SNX31: variants seen among roughly 807,000 people sequenced by gnomAD.
The protein encoded by SNX31 is sorting nexin 31.
SNX31 carries 58 observed loss-of-function variants against 65.4 expected under a neutral mutation model. That is an observed-to-expected ratio of 0.89 (90% CI 0.72 to 1.10). The LOEUF (loss-of-function observed/expected upper bound fraction) is 1.10, where lower values mean the gene tolerates loss of function less well. Ranked by LOEUF, SNX31 falls within the 50% of genes least tolerant of loss-of-function variation. SNX31 has a pLI of 0.00. For missense variants in SNX31, 523 were observed against 529.7 expected, an observed-to-expected ratio of 0.99 and a Z score of 0.12; for synonymous variants, 181 against 190.1, an observed-to-expected ratio of 0.95 and a Z score of 0.39.
At chr8:100,623,499 TC>T (rs1817843561) in intron 4 of SNX31, among the ~76,000 whole-genome samples, 1 of 151,920 alleles carries the variant, frequency 6.6e-6, no homozygotes, top group South Asian at 2.1e-4. Flanking sequence ...CCAGCCACAC[TC>T]TCCTCCTCCC....
rs77970456 is a variant in SNX31, at chr8:100,626,657, T to C, written c.321+3670A>G. Among the ~76,000 whole-genome samples the C allele has an allele frequency of 2.6e-5, 4 of 152,086 alleles. No individual in the cohort carries two copies. Among genetic ancestry groups the C allele is most frequent in the African/African-American group, 7.2e-5 (3 of 41,428 alleles). ...CAACAGCAGCCTGTTTCAAAGTTGA[T>C]TGATGACTTAAAGATAACTGGCAAG... On this transcript the variant is annotated intron_variant, in intron 4 of 13. Transcript: ENST00000311812. This position sits in a 1 kb window ranked among gnomAD's most constrained non-coding sequence, Gnocchi z 4.4.
intron 1 of SNX31, among the ~76,000 whole-genome samples, chr8:100,661,552 A>T (rs1474638035): frequency 6.6e-6 from 1 of 151,956 alleles, no homozygotes; most frequent in African/African-American, 2.4e-5. Flanking sequence ...ATATATATAT[A>T]TTTTAATCTA....
chr8:100,644,554 C>A (rs1472380644), intron 2 of SNX31, among the ~76,000 whole-genome samples: 1 of 152,162 alleles, frequency 6.6e-6, no homozygotes, highest in Non-Finnish European at 1.5e-5. Flanking sequence ...GCTGCCAGAG[C>A]CCGAGGGAGC....
Position 100,629,369 on chromosome 8 carries a change from A to G in SNX31, c.321+958T>C, listed in dbSNP as rs547416198. Among the ~76,000 whole-genome samples the G allele has an allele frequency of 6.6e-6, 1 of 152,264 alleles. No homozygotes were observed. Among genetic ancestry groups the G allele is most frequent in the Non-Finnish European group, 1.5e-5 (1 of 68,010 alleles). ...CACCACTTCCACAGCAAACTTTTCAAAGAATAGGAAAGTGTGTGTATATAT... is the reference window on the plus strand; with the variant it reads ...CACCACTTCCACAGCAAACTTTTCAGAGAATAGGAAAGTGTGTGTATATAT... On this transcript the variant is annotated intron_variant, in intron 4 of 13. Coordinates refer to ENST00000311812, the MANE Select transcript of SNX31 (RefSeq NM_152628.4). The surrounding 1 kb of genome is among the most constrained non-coding windows in gnomAD (Gnocchi z 5.1).
chr8:100,578,023 C>T lies in SNX31; in HGVS notation c.1171-948G>A, dbSNP rs189000567. ...GCTTTTTAAAAATCACAAAAAAACA[C>T]TCAGTGTTTTAAGAAAGTTTATGAA... On this transcript the variant is annotated intron_variant, in intron 12 of 13. Coordinates refer to ENST00000311812, the MANE Select transcript of SNX31 (RefSeq NM_152628.4). The surrounding 1 kb of genome is among the most constrained non-coding windows in gnomAD (Gnocchi z 4.7). 4.7e-4 allele frequency among the ~76,000 whole-genome samples: 71 copies of T among 152,310 alleles called. No homozygotes were observed. Among genetic ancestry groups the T allele is most frequent in the African/African-American group, 1.5e-3 (64 of 41,558 alleles).
chr8:100,636,781 G>T (rs1176990423), intron 2 of SNX31, among the ~76,000 whole-genome samples: 1 of 151,980 alleles, frequency 6.6e-6, no homozygotes, highest in Non-Finnish European at 1.5e-5. Flanking sequence ...GAGTGCAATG[G>T]CTCAATCTTG....
rs1817738615 is a variant in SNX31, at chr8:100,622,119, T to C, written c.322-4389A>G. On this transcript the variant is annotated intron_variant, in intron 4 of 13. Transcript: ENST00000311812. This position sits in a 1 kb window ranked among gnomAD's most constrained non-coding sequence, Gnocchi z 5.0. ...TGACTAATCGGAAGTAGTTGAGTTC[T>C]ACCTTCTCCACTCTAAATGCTTATT... Among the ~76,000 whole-genome samples, 1 of 152,248 alleles carries C rather than the reference T, an allele frequency of 6.6e-6. No individual in the cohort carries two copies. The highest frequency in any genetic ancestry group is 2.1e-4 in the South Asian group (1 of 4,838).
At position 100,622,887 on chromosome 8, in the gene SNX31, G is replaced by A. The variant is rs573647165; in HGVS notation, c.322-5157C>T. Among the ~76,000 whole-genome samples the A allele has an allele frequency of 6.6e-6, 1 of 152,086 alleles. No individual in the cohort carries two copies. The highest frequency in any genetic ancestry group is 1.5e-5 in the Non-Finnish European group (1 of 68,018). On this transcript the variant is annotated intron_variant, in intron 4 of 13. Transcript: ENST00000311812. This position sits in a 1 kb window ranked among gnomAD's most constrained non-coding sequence, Gnocchi z 5.0. ...GTAACCTCCTCTCAGTAAAGAACCT[G>A]CACATCAAGGGAGGTAAGAGGTTAA...
intron 2 of SNX31, among the ~76,000 whole-genome samples, chr8:100,647,080 T>C (rs1036371603): frequency 3.9e-5 from 6 of 152,206 alleles, no homozygotes; most frequent in African/African-American, 1.2e-4. Flanking sequence ...CAGTAACTAC[T>C]TGTTATTGTT....
In SNX31 at chr8:100,575,535, A is replaced by G. The variant is rs1812978363; in HGVS notation, c.1227+1484T>C. ...ATCCGAGAGGACAACTGAACTGATC[A>G]CAGTTGTGCTGAGTGTTATCTGTTG... On this transcript the variant is annotated intron_variant, in intron 13 of 13. Coordinates refer to ENST00000311812, the MANE Select transcript of SNX31 (RefSeq NM_152628.4). This position sits in a 1 kb window ranked among gnomAD's most constrained non-coding sequence, Gnocchi z 5.1. Among the ~76,000 whole-genome samples the G allele has an allele frequency of 6.6e-6, 1 of 152,182 alleles. No individual in the cohort carries two copies. Among genetic ancestry groups the G allele is most frequent in the African/African-American group, 2.4e-5 (1 of 41,464 alleles).
At chr8:100,659,988 G>T (rs1482338739) in intron 1 of SNX31, among the ~76,000 whole-genome samples, 1 of 151,744 alleles carries the variant, frequency 6.6e-6, no homozygotes, top group Non-Finnish European at 1.5e-5. Flanking sequence ...TAATGAAAAA[G>T]ATAATAATAG....
rs1813090471 is a variant in SNX31 at position 100,576,898 on chromosome 8, G to A, written c.1227+121C>T. ...TCCAATTGGCCCAATCTACAAAGAG[G>A]AGCTTCTGAGAAACATAATTCTGAC... On this transcript the variant is annotated intron_variant, in intron 13 of 13. Coordinates refer to ENST00000311812, the MANE Select transcript of SNX31 (RefSeq NM_152628.4). This position sits in a 1 kb window ranked among gnomAD's most constrained non-coding sequence, Gnocchi z 4.8. 3 of 819,658 alleles carry A rather than the reference G, an allele frequency of 3.7e-6. No homozygotes were observed. In the East Asian group the frequency reaches 7.6e-5, roughly 21 times the overall value. 50.8% of individuals were successfully genotyped at this position (819,658 alleles called of 1,614,324 possible).
chr8:100,653,534 C>T (rs1431586150), upstream of SNX31, among the ~76,000 whole-genome samples: 2 of 152,214 alleles, frequency 1.3e-5, no homozygotes, highest in Non-Finnish European at 2.9e-5. Context: ...TGGAGTTGTG[C>T]TTCCAGAAGC....
At chr8:100,646,336 A>T (rs1185712616) in intron 2 of SNX31, among the ~76,000 whole-genome samples, 1 of 152,212 alleles carries the variant, frequency 6.6e-6, no homozygotes, top group African/African-American at 2.4e-5. Context: ...CGGGAAGAAG[A>T]GGAGAGACCC....
At position 100,618,097 on chromosome 8, in the gene SNX31, A is replaced by G. The variant is rs1817388614; in HGVS notation, c.322-367T>C. 3 of 985,318 alleles carry G rather than the reference A, an allele frequency of 3.0e-6. No individual in the cohort carries two copies. In the Admixed American group the frequency reaches 1.8e-4, roughly 61 times the overall value. 61.0% of individuals were successfully genotyped at this position (985,318 alleles called of 1,614,324 possible). A position where few individuals can be genotyped will look rare whatever the true frequency, so the allele number is the denominator to read the frequency against. ...CCATTTTTTAAAGCTGCACCATTGC[A>G]GCAAGCGAACAATCCACAGCTTCCT... On this transcript the variant is annotated intron_variant, in intron 4 of 13. Transcript: ENST00000311812.
chr8:100,581,299 T>TA (rs1410244150), intron 12 of SNX31, among the ~76,000 whole-genome samples: 1 of 136,126 alleles, frequency 7.3e-6, no homozygotes, highest in African/African-American at 3.4e-5. Context: ...ACCCTGTCTT[T>TA]AAAAAAATTT....
intron 1 of SNX31, among the ~76,000 whole-genome samples, chr8:100,658,828 G>T (rs1228650709): frequency 6.6e-6 from 1 of 152,188 alleles, no homozygotes; most frequent in Non-Finnish European, 1.5e-5. Context: ...ATGAGTCGAG[G>T]TCTTGGTTAG....
Position 100,612,115 on chromosome 8 carries a change from T to C in SNX31, c.524-28A>G, listed in dbSNP as rs763343715. On this transcript the variant is annotated intron_variant, in intron 6 of 13. Transcript: ENST00000311812. The surrounding 1 kb of genome is among the most constrained non-coding windows in gnomAD (Gnocchi z 4.3). ...AGAGAAAGGAGAAAGCCGGTCTTACTGGTTGAAACAGCACAGACAGCTTAT... is the reference window on the plus strand; with the variant it reads ...AGAGAAAGGAGAAAGCCGGTCTTACCGGTTGAAACAGCACAGACAGCTTAT... 1 of 1,493,076 alleles carries C rather than the reference T, an allele frequency of 6.7e-7. No homozygotes were observed. The highest frequency in any genetic ancestry group is 1.4e-5 in the African/African-American group (1 of 72,464). 92.5% of individuals were successfully genotyped at this position (1,493,076 alleles called of 1,614,324 possible).
At chr8:100,650,499 T>C (rs1819932402), upstream of SNX31, among the ~76,000 whole-genome samples, 1 of 152,182 alleles carries the variant, frequency 6.6e-6, no homozygotes, top group South Asian at 2.1e-4. Context: ...ATCAGGATCA[T>C]TGAAAGTCCT....
Sources: allele counts gnomAD v4.1 joint callset (sites outside exome capture counted in the v4.1 genomes callset), GRCh38; gene constraint gnomAD v4.1.1; non-coding constraint Gnocchi (gnomAD v3.1); transcripts MANE v1.5; gene names NCBI Gene and HGNC (gene_info 2026-07-23, HGNC 2026-07-21).